The following SDK1 variants were observed in gnomAD, a reference collection of about 807,000 sequenced individuals.
The protein encoded by SDK1 is protein sidekick-1.
Under a neutral mutation model 245.5 loss-of-function variants are expected in SDK1, and 157 were observed. The observed-to-expected ratio is 0.64, with a 90% CI of 0.56 to 0.73. SDK1 has a LOEUF of 0.73. Ranked by LOEUF, SDK1 falls within the 30% of genes least tolerant of loss-of-function variation. The pLI is 0.00. For missense variants in SDK1, 3,583 were observed against 3,002.3 expected (o/e 1.19, Z -4.52); for synonymous variants, 1,647 against 1,278.5 (o/e 1.29, Z -6.15).
intron 28 of SDK1, among the ~76,000 whole-genome samples, chr7:4,143,155 G>C (rs1439949353): frequency 6.6e-6 from 1 of 152,174 alleles, no homozygotes; most frequent in Non-Finnish European, 1.5e-5. Context: ...GGGCCCCTGT[G>C]CTGCTTCCGG....
At chr7:4,136,603 G>A (rs991709439) in intron 28 of SDK1, among the ~76,000 whole-genome samples, 1 of 152,182 alleles carries the variant, frequency 6.6e-6, no homozygotes, top group Non-Finnish European at 1.5e-5. Context: ...TTCTTTGGGG[G>A]GATGGGGTTG....
chr7:3,357,680 T>C (rs1780841980), intron 1 of SDK1, among the ~76,000 whole-genome samples: 1 of 151,954 alleles, frequency 6.6e-6, no homozygotes, highest in African/African-American at 2.4e-5. Context: ...GAGCCTCCTG[T>C]TCTCCTTTTT....
At chr7:3,861,674 A>T (rs1221329544) in intron 5 of SDK1, among the ~76,000 whole-genome samples, 2 of 152,188 alleles carry the variant, frequency 1.3e-5, no homozygotes, top group African/African-American at 4.8e-5. Flanking sequence ...AGCTGTCTTC[A>T]TGAGCCTGAA....
intron 1 of SDK1, among the ~76,000 whole-genome samples, chr7:3,460,536 G>A (rs1780802096): frequency 1.3e-5 from 2 of 152,186 alleles, no homozygotes; most frequent in South Asian, 4.1e-4. Context: ...TAATTTATAT[G>A]TCAGTGTGTC....
chr7:3,645,414 A>G (rs1782800105), intron 4 of SDK1, among the ~76,000 whole-genome samples: 1 of 152,190 alleles, frequency 6.6e-6, no homozygotes, highest in African/African-American at 2.4e-5. Flanking sequence ...CCCCAAGTCT[A>G]TTAAGTACCT....
intron 1 of SDK1, among the ~76,000 whole-genome samples, chr7:3,306,322 C>T (rs978415980): frequency 2.6e-5 from 4 of 152,166 alleles, no homozygotes; most frequent in Non-Finnish European, 4.4e-5. Flanking sequence ...TATTCCCCTA[C>T]CCCAATTTTT....
At chr7:3,774,667 G>T (rs573688039) in intron 4 of SDK1, among the ~76,000 whole-genome samples, 2 of 152,222 alleles carry the variant, frequency 1.3e-5, no homozygotes, top group East Asian at 3.9e-4. Flanking sequence ...CAGACTCCTG[G>T]TTCTCTCTCC....
At chr7:3,821,330 C>A in intron 4 of SDK1, 120 bp from the exon 5 acceptor site, 2 of 1,156,586 alleles carry the variant, frequency 1.7e-6, no homozygotes, top group Non-Finnish European at 2.4e-6. Flanking sequence ...TTGTTTTTGT[C>A]CTTCCAGCTC....
At chr7:3,652,060 C>T (rs1436827911) in intron 4 of SDK1, among the ~76,000 whole-genome samples, 1 of 151,992 alleles carries the variant, frequency 6.6e-6, no homozygotes, top group Non-Finnish European at 1.5e-5. Flanking sequence ...ATATTGGCCT[C>T]CGTTTTATGT....
intron 38 of SDK1, among the ~76,000 whole-genome samples, chr7:4,211,709 G>A (rs973772527): frequency 2.0e-5 from 3 of 151,994 alleles, no homozygotes; most frequent in East Asian, 1.9e-4. Flanking sequence ...TCCCGGGTTC[G>A]CACCATTCTC....
Position 3,871,005 on chromosome 7 carries a change from T to A in SDK1, c.847+49422T>A, listed in dbSNP as rs567016934. Among the ~76,000 whole-genome samples the A allele has an allele frequency of 7.1e-4, 108 of 152,364 alleles. 1 individual carries two copies. The highest frequency in any genetic ancestry group is 2.2e-3 in the African/African-American group (91 of 41,586). Reference sequence around the variant, plus strand: ...GATCAAATTGGACGAAGTTGACATCTTCACAACATTGATCTACCAGTCCAC... The same window carrying A: ...GATCAAATTGGACGAAGTTGACATCATCACAACATTGATCTACCAGTCCAC... On this transcript the variant is annotated intron_variant, in intron 5 of 44. Coordinates refer to ENST00000404826, the MANE Select transcript of SDK1 (RefSeq NM_152744.4).
intron 1 of SDK1, among the ~76,000 whole-genome samples, chr7:3,388,511 C>T (rs971380095): frequency 1.3e-5 from 2 of 151,992 alleles, no homozygotes; most frequent in African/African-American, 4.8e-5. Flanking sequence ...AGCGATCCCC[C>T]CATCTTAGCT....
At position 3,502,245 on chromosome 7, in the gene SDK1, A is replaced by T. The variant is rs151146824; in HGVS notation, c.299-116835A>T. On this transcript the variant is annotated intron_variant, in intron 1 of 44. Transcript: ENST00000404826. Reference sequence around the variant, plus strand: ...AAGATTTTTTTTTAATTAATTAATTAATTTATTTTTAGACAAAGTCTTGCT... The same window carrying T: ...AAGATTTTTTTTTAATTAATTAATTTATTTATTTTTAGACAAAGTCTTGCT... 5.7e-3 allele frequency among the ~76,000 whole-genome samples: 869 copies of T among 151,622 alleles called. 9 individuals are homozygous for T. Among genetic ancestry groups the T allele is most frequent in the African/African-American group, 0.016 (670 of 41,306 alleles).
chr7:4,086,472 G>C (rs182151325), intron 22 of SDK1, among the ~76,000 whole-genome samples: 7 of 152,258 alleles, frequency 4.6e-5, no homozygotes, highest in Admixed American at 3.9e-4. Flanking sequence ...AGTCCTTGCA[G>C]TTGTAGGACT....
At chr7:3,501,234 G>T (rs1240606304) in intron 1 of SDK1, among the ~76,000 whole-genome samples, 3 of 152,074 alleles carry the variant, frequency 2.0e-5, no homozygotes, top group Non-Finnish European at 2.9e-5. Flanking sequence ...AGTATCTTTA[G>T]AGAATTCCTC....
rs796198123 is a variant in SDK1 at position 3,742,137 on chromosome 7, CTTTT to C, written c.714-79305_714-79302del. Among the ~76,000 whole-genome samples, 548 of 143,854 alleles carry C rather than the reference CTTTT, an allele frequency of 3.8e-3. 7 individuals are homozygous for C. Among genetic ancestry groups the C allele is most frequent in the African/African-American group, 0.013 (512 of 39,672 alleles). 94.4% of individuals were successfully genotyped at this position (143,854 alleles called of 152,430 possible). On this transcript the variant is annotated intron_variant, in intron 4 of 44. Coordinates refer to ENST00000404826, the MANE Select transcript of SDK1 (RefSeq NM_152744.4). ...TGGTTGTATTAAATTCTCTGTTCCT[CTTTT>C]TTTTTTTACCCCCATTTCTTTGCCC... is the stretch of plus-strand genomic sequence containing the variant.
chr7:3,500,295 A>G (rs968838930), intron 1 of SDK1, among the ~76,000 whole-genome samples: 2 of 151,738 alleles, frequency 1.3e-5, no homozygotes, highest in African/African-American at 4.8e-5. Context: ...TTCTTGGACT[A>G]CTCTTGTGTT....
intron 30 of SDK1, among the ~76,000 whole-genome samples, chr7:4,157,438 A>AAAGGAAGGAGGGAAGGGAAAAGG (rs571866662): frequency 5.8e-4 from 60 of 103,422 alleles, no homozygotes; most frequent in African/African-American, 2.7e-3. Context: ...AGGCAAGAGA[A>AAAGGAAGGAGGGAAGGGAAAAGG]AAGGAGGGAA....
In SDK1 at chr7:3,319,823, T is replaced by A. The variant is rs142664026; in HGVS notation, c.298+17939T>A. Among the ~76,000 whole-genome samples, 421 of 151,426 alleles carry A rather than the reference T, an allele frequency of 2.8e-3. 2 individuals carry two copies. Among genetic ancestry groups the A allele is most frequent in the African/African-American group, 9.8e-3 (404 of 41,192 alleles). ...CACTTTAGTTATACTGTTTCTACTT[T>A]ATATTACAAATCTGGTTTCCTCTTC... On this transcript the variant is annotated intron_variant, in intron 1 of 44. Transcript: ENST00000404826.
Sources: allele counts gnomAD v4.1 joint callset (sites outside exome capture counted in the v4.1 genomes callset), GRCh38; gene constraint gnomAD v4.1.1; transcripts MANE v1.5; gene names NCBI Gene and HGNC (gene_info 2026-07-23, HGNC 2026-07-21).